ITGAE: variants seen among roughly 807,000 people sequenced by gnomAD.
ITGAE encodes integrin subunit alpha E, also known as integrin alpha-E.
A neutral mutation model predicts 136.5 loss-of-function variants in ITGAE; 99 were observed. The observed-to-expected ratio is 0.73, with a 90% CI of 0.62 to 0.86. The LOEUF is 0.86. Among genes scored for constraint, ITGAE ranks in the 40% least tolerant of loss-of-function variants. The pLI is 0.00. For missense variants in ITGAE, 1,447 were observed against 1,515.3 expected (o/e 0.95, Z 0.75); for synonymous variants, 613 against 591.8 (o/e 1.04, Z -0.52).
intron 2 of ITGAE, among the ~76,000 whole-genome samples, chr17:3,774,695 G>A (rs1289226613): frequency 2.0e-5 from 3 of 152,120 alleles, no homozygotes; most frequent in Non-Finnish European, 4.4e-5. Flanking sequence ...AACCCAGGAG[G>A]CGGAGGTTGC....
In ITGAE at chr17:3,761,325, C is replaced by A. The variant is rs915002591; in HGVS notation, c.433+78G>T. The A allele has an allele frequency of 1.6e-4, 241 of 1,541,134 alleles. 2 individuals carry two copies. Among genetic ancestry groups the A allele is most frequent in the South Asian group, 7.8e-4 (63 of 80,494 alleles). ...TGGGCCTGCGTCCCACTGCATCTGC[C>A]GTGAGCTGGTGCCTTTTCTTGGAGA... On this transcript the variant is annotated intron_variant, in intron 5 of 30. Coordinates refer to ENST00000263087, the MANE Select transcript of ITGAE (RefSeq NM_002208.5).
At chr17:3,770,636 G>A (rs529071879) in intron 2 of ITGAE, among the ~76,000 whole-genome samples, 8 of 152,306 alleles carry the variant, frequency 5.3e-5, no homozygotes, top group Admixed American at 2.6e-4. Context: ...CCATGCAGCA[G>A]GCCCGTGGTC....
intron 18 of ITGAE, among the ~76,000 whole-genome samples, chr17:3,745,330 G>A (rs1261997222): frequency 1.3e-5 from 2 of 152,038 alleles, no homozygotes; most frequent in African/African-American, 2.4e-5. Context: ...GCCATTACGT[G>A]GTTCTTGATT....
chr17:3,781,794 C>T lies in ITGAE; in HGVS notation c.35-4134G>A, dbSNP rs138562832. Among the ~76,000 whole-genome samples the T allele has an allele frequency of 5.9e-5, 9 of 152,228 alleles. No homozygotes were observed. In the East Asian group the frequency reaches 1.7e-3, roughly 29 times the overall value. On this transcript the variant is annotated intron_variant, in intron 1 of 30. Coordinates refer to ENST00000263087, the MANE Select transcript of ITGAE (RefSeq NM_002208.5). ...TATTTGTTGAGTAGCTCCTCTTAACCCATAGTTTGGAAATGCTACCTTTAT... is the reference window on the plus strand; with the variant it reads ...TATTTGTTGAGTAGCTCCTCTTAACTCATAGTTTGGAAATGCTACCTTTAT...
chr17:3,757,927 T>G (rs539407370), intron 8 of ITGAE, 68 bp from the exon 9 acceptor site: 31 of 1,543,582 alleles, frequency 2.0e-5, no homozygotes, highest in Non-Finnish European at 2.8e-5. Context: ...AGGAGAGACT[T>G]TATTCTCTGA....
intron 8 of ITGAE, 99 bp from the exon 9 acceptor site, chr17:3,757,958 G>T (rs2052070711): frequency 7.3e-7 from 1 of 1,369,890 alleles, no homozygotes; most frequent in Non-Finnish European, 1.0e-6. Flanking sequence ...AATTGGGAGG[G>T]TTCACAATCC....
intron 14 of ITGAE, 101 bp from the exon 15 acceptor site, chr17:3,751,975 C>T: frequency 8.0e-6 from 8 of 999,846 alleles, no homozygotes; most frequent in Non-Finnish European, 1.2e-5. Flanking sequence ...GTGCCCACTC[C>T]ATTGCCACCC....
Position 3,799,380 on chromosome 17 carries a change from T to TCTG in ITGAE, c.34+1728_34+1730dup, listed in dbSNP as rs1321154727. Among the ~76,000 whole-genome samples the TCTG allele has an allele frequency of 6.6e-6, 1 of 152,100 alleles. No individual in the cohort carries two copies. Among genetic ancestry groups the TCTG allele is most frequent in the Non-Finnish European group, 1.5e-5 (1 of 68,010 alleles). ...TGGCAAGTCTGCTCCATCATCGCTC[T>TCTG]CTGCTGCCCATCAGCTTGGGAAGGG... On this transcript the variant is annotated intron_variant, in intron 1 of 30. Coordinates refer to ENST00000263087, the MANE Select transcript of ITGAE (RefSeq NM_002208.5). This position sits in a 1 kb window ranked among gnomAD's most constrained non-coding sequence, Gnocchi z 4.1.
At chr17:3,722,172 G>GAAAGA (rs753183719) in intron 28 of ITGAE, among the ~76,000 whole-genome samples, 15 of 145,904 alleles carry the variant, frequency 1.0e-4, no homozygotes, top group South Asian at 2.2e-4. Flanking sequence ...CGTCTTGAAA[G>GAAAGA]AAAGAAAAGA....
chr17:3,780,152 T>C (rs2052631848), intron 1 of ITGAE, among the ~76,000 whole-genome samples: 1 of 150,536 alleles, frequency 6.6e-6, no homozygotes, highest in East Asian at 2.0e-4. Flanking sequence ...TTTTGGTTTT[T>C]TTGTTTGTTT....
At chr17:3,745,632 G>C in intron 18 of ITGAE, 132 bp downstream of exon 18, 1 of 909,340 alleles carries the variant, frequency 1.1e-6, no homozygotes, top group East Asian at 2.8e-5. Context: ...GTGAGCCACC[G>C]TGCCTGGCCT....
intron 3 of ITGAE, 89 bp from the exon 4 acceptor site, chr17:3,762,071 G>A (rs1408211026): frequency 9.3e-7 from 1 of 1,072,864 alleles, no homozygotes. Context: ...GAGCCACCTT[G>A]GTCAGGCCCC....
At chr17:3,725,454 C>A in intron 26 of ITGAE, 2 of 1,614,208 alleles carry the variant, frequency 1.2e-6, no homozygotes, top group Non-Finnish European at 1.7e-6. Context: ...TGATCACACA[C>A]CCGTAGCCAT....
chr17:3,797,446 T>C (rs1042084900), intron 1 of ITGAE, among the ~76,000 whole-genome samples: 7 of 148,898 alleles, frequency 4.7e-5, no homozygotes, highest in Non-Finnish European at 7.4e-5. Context: ...ATTACAGGCT[T>C]GAGCCACTGC....
Position 3,753,856 on chromosome 17 carries a change from T to C in ITGAE, c.1454A>G (p.His485Arg). The C allele has an allele frequency of 6.2e-7, 1 of 1,614,124 alleles. No individual in the cohort carries two copies. Among genetic ancestry groups the C allele is most frequent in the Non-Finnish European group, 8.5e-7 (1 of 1,179,992 alleles). ...CTGGAGCTCAAACACGGCCCCATGATGTTTGTACCGTGGAGCCCCCGCGAT... is the reference window on the plus strand; with the variant it reads ...CTGGAGCTCAAACACGGCCCCATGACGTTTGTACCGTGGAGCCCCCGCGAT... ...SYIAGAPRYK[H>R]HGAVFELQKE... The change falls in exon 13 of 31, where the codon CAT (histidine) becomes CGT (arginine). Residue 485 changes from histidine (H) to arginine (R), a missense_variant. Physicochemically the swap from His to Arg is conservative, Grantham distance 29 (BLOSUM62 0). This residue lies in a region of ITGAE where 1,031 missense variants were observed against 1,011.4 expected (regional missense o/e 1.02). Coordinates refer to ENST00000263087, the MANE Select transcript of ITGAE (RefSeq NM_002208.5).
At chr17:3,722,018 A>G (rs1225594127) in intron 28 of ITGAE, among the ~76,000 whole-genome samples, 1 of 152,102 alleles carries the variant, frequency 6.6e-6, no homozygotes, top group Non-Finnish European at 1.5e-5. Flanking sequence ...CATCTCTACT[A>G]AAAATACAAA....
intron 26 of ITGAE, among the ~76,000 whole-genome samples, chr17:3,727,346 AT>A (rs989151040): frequency 1.3e-5 from 2 of 152,012 alleles, no homozygotes; most frequent in South Asian, 4.1e-4. Context: ...GAGAAGCAGA[AT>A]TTATCAATTT....
chr17:3,757,014 T>G lies in ITGAE; in HGVS notation c.1141A>C (p.Lys381Gln). Residue 381 changes from lysine (K) to glutamine (Q), a missense_variant, in exon 10 of 31, where the codon AAA (lysine) becomes CAA (glutamine). Around this residue, in one of 3 missense-constraint regions of ITGAE, gnomAD observed 310 missense variants for 416.1 expected, o/e 0.74. Coordinates refer to ENST00000263087, the MANE Select transcript of ITGAE (RefSeq NM_002208.5). The part of the protein sequence containing the change: ...NYMALDGLLS[K>Q]LRYNIISMEG... ...ATGCTGATGATGTTGTACCGCAGTT[T>G]GCTCAGCAGCCCATCCAGCGCCATG... 1 of 1,614,210 alleles carries G rather than the reference T, an allele frequency of 6.2e-7. No individual in the cohort carries two copies. Among genetic ancestry groups the G allele is most frequent in the South Asian group, 1.1e-5 (1 of 91,084 alleles).
chr17:3,735,123 A>G (rs1458853867), intron 20 of ITGAE, among the ~76,000 whole-genome samples, 174 bp from the exon 21 acceptor site: 1 of 152,170 alleles, frequency 6.6e-6, no homozygotes, highest in Non-Finnish European at 1.5e-5. Flanking sequence ...CCTCCCGAGT[A>G]GCTGGGACTA....
Sources: gnomAD v4.1 joint callset for allele counts (sites outside exome capture counted in the v4.1 genomes callset) on GRCh38, gnomAD v4.1.1 for gene constraint, gnomAD v4.1.1 regional missense constraint, Gnocchi (gnomAD v3.1) non-coding constraint, MANE v1.5 for transcripts, NCBI Gene and HGNC (gene_info 2026-07-23, HGNC 2026-07-21) for gene names.